The following DCAF5 variants were observed in gnomAD, a reference collection of about 807,000 sequenced individuals.
DCAF5 encodes the protein DDB1- and CUL4-associated factor 5.
Under a neutral mutation model 80.7 loss-of-function variants are expected in DCAF5, and 9 were observed. That is an observed-to-expected ratio of 0.11 (90% CI 0.07 to 0.19). DCAF5 has a LOEUF of 0.19. DCAF5 is among the 10% of genes least tolerant of loss of function. The pLI is 1.00. For missense variants in DCAF5, 842 were observed against 1,205.7 expected, an observed-to-expected ratio of 0.70 and a Z score of 4.47; for synonymous variants, 433 against 461.9, an observed-to-expected ratio of 0.94 and a Z score of 0.80.
At chr14:69,070,190 C>T (rs1172422613) in intron 7 of DCAF5, among the ~76,000 whole-genome samples, 1 of 152,148 alleles carries the variant, frequency 6.6e-6, no homozygotes, top group Non-Finnish European at 1.5e-5. Flanking sequence ...AGCAACTCAA[C>T]CTGTGAAAAC....
intron 2 of DCAF5, among the ~76,000 whole-genome samples, chr14:69,120,870 G>T (rs1229902939): frequency 6.6e-6 from 1 of 152,226 alleles, no homozygotes; most frequent in Admixed American, 6.5e-5. Flanking sequence ...ACAGCAACAA[G>T]AGGGTTTGCC....
intron 6 of DCAF5, among the ~76,000 whole-genome samples, chr14:69,087,638 G>A (rs959255248): frequency 3.3e-5 from 5 of 152,144 alleles, no homozygotes; most frequent in African/African-American, 1.2e-4. Context: ...CAAAAGGGGG[G>A]AAGACAGATT....
intron 5 of DCAF5, among the ~76,000 whole-genome samples, chr14:69,111,050 C>T (rs899320070): frequency 1.3e-5 from 2 of 152,134 alleles, no homozygotes; most frequent in Non-Finnish European, 2.9e-5. Context: ...AGGAAAGAGG[C>T]TAATTCAGGG....
chr14:69,107,584 A>G (rs2040206344), intron 5 of DCAF5, among the ~76,000 whole-genome samples: 1 of 152,124 alleles, frequency 6.6e-6, no homozygotes, highest in Non-Finnish European at 1.5e-5. Context: ...AACTGATTCT[A>G]CACCTCCACC....
chr14:69,104,087 T>C (rs1019341425), intron 5 of DCAF5, among the ~76,000 whole-genome samples: 6 of 152,222 alleles, frequency 3.9e-5, no homozygotes, highest in African/African-American at 9.6e-5. Context: ...TAGAAATACA[T>C]TTCATCTCTC....
intron 1 of DCAF5, among the ~76,000 whole-genome samples, chr14:69,126,859 T>A (rs980512291): frequency 6.6e-6 from 1 of 152,130 alleles, no homozygotes; most frequent in African/African-American, 2.4e-5. Context: ...TCCACATGCA[T>A]AAAAATGAAT....
At chr14:69,067,416 T>C (rs908383498) in intron 7 of DCAF5, among the ~76,000 whole-genome samples, 1 of 148,060 alleles carries the variant, frequency 6.8e-6, no homozygotes. Flanking sequence ...TGATTTTAGC[T>C]CACTGCAACC....
intron 6 of DCAF5, chr14:69,085,097 C>G: frequency 1.1e-6 from 1 of 908,522 alleles, no homozygotes; most frequent in African/African-American, 1.6e-5. Context: ...AAAAGAACTA[C>G]TTTTTTCATA....
chr14:69,067,277 T>C (rs564256250), intron 7 of DCAF5, among the ~76,000 whole-genome samples: 2 of 151,504 alleles, frequency 1.3e-5, no homozygotes, highest in Non-Finnish European at 2.9e-5. Flanking sequence ...TCTTCACATA[T>C]GGGCTCCATC....
At position 69,054,011 on chromosome 14, in the gene DCAF5, G is replaced by A; in HGVS notation, c.2675C>T (p.Thr892Ile). The change falls in exon 9 of 9, where the codon ACC (threonine) becomes ATC (isoleucine). Residue 892 changes from threonine (T) to isoleucine (I), a missense_variant. Physicochemically the swap from Thr to Ile is moderately conservative, Grantham distance 89 (BLOSUM62 -1). This residue lies in a region of DCAF5 where 607 missense variants were observed against 656.6 expected (regional missense o/e 0.92). Transcript: ENST00000341516. ...GTCCTCTCTTGTTCCAGCATTGGGG[G>A]TCTCACAGGCCATTTCAGACCCGCA... ...DCCGSEMACE[T>I]PNAGTREDPT... is the part of the protein sequence containing the mutation. The A allele has an allele frequency of 1.2e-6, 2 of 1,612,546 alleles. No homozygotes were observed. The highest frequency in any genetic ancestry group is 1.7e-6 in the Non-Finnish European group (2 of 1,178,744).
intron 7 of DCAF5, among the ~76,000 whole-genome samples, chr14:69,073,784 CCA>C (rs2038795307): frequency 6.6e-6 from 1 of 152,160 alleles, no homozygotes; most frequent in South Asian, 2.1e-4. Flanking sequence ...GAAGGATTAT[CCA>C]CATTCTATTT....
chr14:69,116,257 CA>C, intron 5 of DCAF5, 108 bp downstream of exon 5: 1 of 1,325,524 alleles, frequency 7.5e-7, no homozygotes, highest in South Asian at 1.5e-5. Flanking sequence ...AAGAAATGCC[CA>C]GCAGAGATAA....
intron 5 of DCAF5, among the ~76,000 whole-genome samples, chr14:69,101,644 G>A (rs958054327): frequency 6.6e-6 from 1 of 152,160 alleles, no homozygotes; most frequent in Non-Finnish European, 1.5e-5. Context: ...TATGTTCTAC[G>A]AAATGTGTTG....
Position 69,054,883 on chromosome 14 carries a change from G to A in DCAF5, c.1803C>T (p.Ala601=). ...QKTTREDKPS[A]PIKPTNTYIG... is the part of the protein sequence containing the mutation. ...TGTAAGTGTTGGTGGGCTTGATTGGGGCACTGGGCTTGTCTTCTCGGGTTG... is the reference window on the plus strand; with the variant it reads ...TGTAAGTGTTGGTGGGCTTGATTGGAGCACTGGGCTTGTCTTCTCGGGTTG... Residue 601 remains alanine, a synonymous_variant, in exon 9 of 9, where the codon GCC becomes GCT. Transcript: ENST00000341516. 4 of 1,614,182 alleles carry A rather than the reference G, an allele frequency of 2.5e-6. No homozygotes were observed. Among genetic ancestry groups the A allele is most frequent in the Non-Finnish European group, 3.4e-6 (4 of 1,180,042 alleles).
intron 8 of DCAF5, 107 bp downstream of exon 8, chr14:69,062,277 G>T: frequency 8.6e-7 from 1 of 1,169,402 alleles, no homozygotes; most frequent in Non-Finnish European, 1.2e-6. Context: ...AATTCTGATA[G>T]ACCTTTAGTA....
intron 6 of DCAF5, among the ~76,000 whole-genome samples, chr14:69,077,590 C>A (rs1389364303): frequency 1.3e-5 from 2 of 151,986 alleles, no homozygotes; most frequent in East Asian, 3.9e-4. Flanking sequence ...ATTGCCCAGG[C>A]TGGTCTCAAA....
chr14:69,055,108 G>T lies in DCAF5; in HGVS notation c.1578C>A (p.Ala526=). 6.2e-7 allele frequency: 1 copy of T among 1,614,208 alleles called. No homozygotes were observed. The highest frequency in any genetic ancestry group is 8.5e-7 in the Non-Finnish European group (1 of 1,180,040). The change falls in exon 9 of 9, where the codon GCC becomes GCA. Residue 526 remains alanine, a synonymous_variant. Transcript: ENST00000341516. This position sits in a 1 kb window ranked among gnomAD's most constrained non-coding sequence, Gnocchi z 5.6. ...CCTCAGAATCGGACTCATTGGAAAG[G>T]GCCAGGAGGCGTTTGTCTTGGTAGC... ...LRRYQDKRLL[A]LSNESDSEEN...
At chr14:69,062,118 T>C (rs1000238221) in intron 8 of DCAF5, among the ~76,000 whole-genome samples, 30 of 152,154 alleles carry the variant, frequency 2.0e-4, no homozygotes, top group African/African-American at 6.5e-4. Context: ...TGTCTTGCTA[T>C]GTTCTCCAGG....
intron 6 of DCAF5, chr14:69,083,483 G>A (rs772474067): frequency 8.2e-5 from 27 of 327,286 alleles, no homozygotes; most frequent in Non-Finnish European, 1.5e-4. Flanking sequence ...AAGTTGCAGG[G>A]GGCCTCAAAT....
Sources: allele counts gnomAD v4.1 joint callset (sites outside exome capture counted in the v4.1 genomes callset), GRCh38; gene constraint gnomAD v4.1.1; regional missense constraint gnomAD v4.1.1; non-coding constraint Gnocchi (gnomAD v3.1); transcripts MANE v1.5; gene names NCBI Gene and HGNC (gene_info 2026-07-23, HGNC 2026-07-21).